DPP10: variants seen among roughly 807,000 people sequenced by gnomAD.
DPP10 encodes the protein inactive dipeptidyl peptidase 10.
Under a neutral mutation model 120.9 loss-of-function variants are expected in DPP10, and 33 were observed. The observed-to-expected ratio is 0.27, with a 90% CI of 0.21 to 0.37. The LOEUF is 0.37. Ranked by LOEUF, DPP10 falls within the 10% of genes least tolerant of loss-of-function variation. The pLI is 1.00. For missense variants in DPP10, 816 were observed against 942.8 expected (o/e 0.87, Z 1.76); for synonymous variants, 337 against 326.1 (o/e 1.03, Z -0.36).
intron 8 of DPP10, among the ~76,000 whole-genome samples, chr2:115,733,477 A>C (rs2092958048): frequency 6.6e-6 from 1 of 151,980 alleles, no homozygotes; most frequent in African/African-American, 2.4e-5. Context: ...AAAATCAGTT[A>C]ATTGGTGGGG....
intron 5 of DPP10, among the ~76,000 whole-genome samples, chr2:115,590,154 AT>A (rs2082549480): frequency 2.3e-4 from 1 of 4,342 alleles, no homozygotes; most frequent in African/African-American, 3.0e-4. Flanking sequence ...TGTTTTCTTT[AT>A]TATTATTATT....
chr2:114,686,495 C>G (rs560586993), intron 1 of DPP10, among the ~76,000 whole-genome samples: 4 of 151,730 alleles, frequency 2.6e-5, no homozygotes, highest in African/African-American at 9.7e-5. Context: ...ACATCATAAC[C>G]CTAGGAATCC....
intron 1 of DPP10, among the ~76,000 whole-genome samples, chr2:114,953,532 ATGAT>A (rs1697953850): frequency 6.6e-6 from 1 of 151,930 alleles, no homozygotes; most frequent in Non-Finnish European, 1.5e-5. Flanking sequence ...TGTGTACTAA[ATGAT>A]TATTTATTAA....
At chr2:114,890,189 A>G (rs1360402862) in intron 1 of DPP10, among the ~76,000 whole-genome samples, 1 of 152,212 alleles carries the variant, frequency 6.6e-6, no homozygotes. Flanking sequence ...AAGTGATCTC[A>G]GGTTGACTGA....
intron 5 of DPP10, among the ~76,000 whole-genome samples, chr2:115,626,076 TA>T (rs1292245962): frequency 6.6e-6 from 1 of 150,444 alleles, no homozygotes; most frequent in Non-Finnish European, 1.5e-5. Context: ...AAACAGAAAC[TA>T]AAAAATAGTT....
chr2:115,278,661 G>A (rs530036771), intron 1 of DPP10, among the ~76,000 whole-genome samples: 2 of 152,070 alleles, frequency 1.3e-5, no homozygotes, highest in South Asian at 4.1e-4. Context: ...GGGGCAGGTG[G>A]GTGATATGCC....
chr2:114,629,527 A>G (rs1040654752), intron 1 of DPP10, among the ~76,000 whole-genome samples: 2 of 152,248 alleles, frequency 1.3e-5, no homozygotes, highest in African/African-American at 4.8e-5. Context: ...AACATTTTAA[A>G]AGAAGTTTGC....
intron 1 of DPP10, among the ~76,000 whole-genome samples, chr2:115,093,368 T>G (rs115752189): frequency 6.6e-6 from 1 of 152,146 alleles, no homozygotes; most frequent in African/African-American, 2.4e-5. Context: ...ACCAATATAC[T>G]TGGTGAGAAA....
intron 5 of DPP10, among the ~76,000 whole-genome samples, chr2:115,669,487 G>A (rs556864096): frequency 6.6e-6 from 1 of 152,232 alleles, no homozygotes; most frequent in Non-Finnish European, 1.5e-5. Context: ...TAAGGAAAAC[G>A]ACTTAAATGG....
intron 1 of DPP10, among the ~76,000 whole-genome samples, chr2:114,797,700 T>A (rs1156377676): frequency 6.6e-6 from 1 of 151,698 alleles, no homozygotes; most frequent in Non-Finnish European, 1.5e-5. Flanking sequence ...AATAAATACA[T>A]AAAATAAAAG....
At chr2:115,423,875 G>T (rs1464506987) in intron 3 of DPP10, among the ~76,000 whole-genome samples, 2 of 151,894 alleles carry the variant, frequency 1.3e-5, no homozygotes, top group African/African-American at 2.4e-5. Flanking sequence ...TAACTTTTAT[G>T]GGTTTATCTT....
chr2:115,068,653 C>G (rs75553594), intron 1 of DPP10, among the ~76,000 whole-genome samples: 1,912 of 152,146 alleles, frequency 0.013, 33 homozygotes, highest in African/African-American at 0.043. Flanking sequence ...AGACCAATGT[C>G]AAAAGGGGTT....
chr2:115,734,382 G>A (rs2092982575), intron 8 of DPP10, among the ~76,000 whole-genome samples: 1 of 151,988 alleles, frequency 6.6e-6, no homozygotes, highest in Admixed American at 6.6e-5. Flanking sequence ...GTGGGGCCGG[G>A]CATGGTAGCT....
chr2:114,547,968 T>C (rs1687556409), intron 1 of DPP10, among the ~76,000 whole-genome samples: 1 of 152,062 alleles, frequency 6.6e-6, no homozygotes, highest in Admixed American at 6.5e-5. Context: ...TGCCTTCTTC[T>C]GATAGAAAAA....
At chr2:115,119,823 G>A (rs757384296) in intron 1 of DPP10, among the ~76,000 whole-genome samples, 5 of 152,292 alleles carry the variant, frequency 3.3e-5, no homozygotes, top group Middle Eastern at 3.4e-3. Flanking sequence ...TTGGGTTATT[G>A]TGCTTAGAAG....
At chr2:115,116,873 C>T (rs568463622) in intron 1 of DPP10, among the ~76,000 whole-genome samples, 1 of 152,156 alleles carries the variant, frequency 6.6e-6, no homozygotes, top group African/African-American at 2.4e-5. Context: ...CATAATGTAA[C>T]ATTGAGCTCA....
At chr2:115,674,688 G>T (rs1372203960) in intron 5 of DPP10, among the ~76,000 whole-genome samples, 2 of 152,146 alleles carry the variant, frequency 1.3e-5, no homozygotes, top group Admixed American at 6.5e-5. Context: ...TGCCAGTCCA[G>T]CTGAATATGC....
intron 5 of DPP10, 107 bp downstream of exon 5, chr2:115,526,079 A>G (rs1375314905): frequency 8.7e-6 from 7 of 806,182 alleles, no homozygotes. Flanking sequence ...TGGCATGTCT[A>G]GTAACTACCG....
At chr2:114,648,369 C>A (rs2105469428) in intron 1 of DPP10, among the ~76,000 whole-genome samples, 1 of 152,268 alleles carries the variant, frequency 6.6e-6, no homozygotes, top group African/African-American at 2.4e-5. Flanking sequence ...GTTCTTGACA[C>A]CCAATTTCTT....
Sources: gnomAD v4.1 joint callset for allele counts (sites outside exome capture counted in the v4.1 genomes callset) on GRCh38, gnomAD v4.1.1 for gene constraint, MANE v1.5 for transcripts, NCBI Gene and HGNC (gene_info 2026-07-23, HGNC 2026-07-21) for gene names.